Variants in VPS13B observed in about 807,000 individuals in gnomAD.
The protein encoded by VPS13B is vacuolar protein sorting 13 homolog B.
In VPS13B, 285 loss-of-function variants were observed where a neutral mutation model predicts 426.4. That is an observed-to-expected ratio of 0.67 (90% CI 0.61 to 0.74). The LOEUF is 0.74. Ranked by LOEUF, VPS13B falls within the 30% of genes least tolerant of loss-of-function variation. The probability of loss-of-function intolerance (pLI) is 0.00; values close to 1 mark genes in which losing one functional copy is unlikely to be tolerated. For synonymous variants in VPS13B, 1,676 were observed against 1,676.4 expected, an observed-to-expected ratio of 1.00 and a Z score of 0.01; for missense variants, 4,537 against 4,782.6, an observed-to-expected ratio of 0.95 and a Z score of 1.51.
chr8:99,059,328 G>A (rs978591200), intron 3 of VPS13B, among the ~76,000 whole-genome samples: 11 of 152,164 alleles, frequency 7.2e-5, no homozygotes, highest in Admixed American at 4.6e-4. Flanking sequence ...TGTAGTGATG[G>A]GGTTTTGCCC....
At chr8:99,263,022 G>A (rs1348607567) in intron 17 of VPS13B, among the ~76,000 whole-genome samples, 1 of 151,910 alleles carries the variant, frequency 6.6e-6, no homozygotes, top group African/African-American at 2.4e-5. Context: ...TGATCATCCT[G>A]CCTTGGCCCC....
chr8:99,402,928 A>G (rs1303065146), intron 21 of VPS13B, among the ~76,000 whole-genome samples: 1 of 152,244 alleles, frequency 6.6e-6, no homozygotes, highest in African/African-American at 2.4e-5. Context: ...GTATTCCCCA[A>G]ATTGATAGGT....
At chr8:99,729,153 G>A (rs191982923) in intron 39 of VPS13B, among the ~76,000 whole-genome samples, 24 of 152,174 alleles carry the variant, frequency 1.6e-4, no homozygotes, top group African/African-American at 5.5e-4. Flanking sequence ...TACCAACACG[G>A]CTGAATTTGG....
At chr8:99,603,199 A>C (rs904277530) in intron 33 of VPS13B, among the ~76,000 whole-genome samples, 2 of 152,214 alleles carry the variant, frequency 1.3e-5, no homozygotes, top group Non-Finnish European at 2.9e-5. Flanking sequence ...ATTAGGATGC[A>C]GGATATTTCT....
chr8:99,311,204 T>G (rs899055777), intron 19 of VPS13B, among the ~76,000 whole-genome samples: 4 of 152,206 alleles, frequency 2.6e-5, no homozygotes, highest in Non-Finnish European at 5.9e-5. Flanking sequence ...TTTCTTGCCT[T>G]CTGGTAGCTC....
At chr8:99,246,423 A>G (rs924830589) in intron 17 of VPS13B, among the ~76,000 whole-genome samples, 8 of 152,196 alleles carry the variant, frequency 5.3e-5, no homozygotes, top group African/African-American at 1.9e-4. Flanking sequence ...TTTGATTCGA[A>G]TGCAGTAACC....
chr8:99,462,362 A>G (rs919087602), intron 23 of VPS13B, among the ~76,000 whole-genome samples: 2 of 152,028 alleles, frequency 1.3e-5, no homozygotes, highest in African/African-American at 4.8e-5. Flanking sequence ...TTTATTCTTG[A>G]CATCATTGGT....
intron 19 of VPS13B, among the ~76,000 whole-genome samples, chr8:99,310,319 T>A (rs1352996330): frequency 6.6e-6 from 1 of 152,198 alleles, no homozygotes; most frequent in Admixed American, 6.5e-5. Flanking sequence ...GGCTGTGCAT[T>A]TGTCATAAAT....
intron 3 of VPS13B, among the ~76,000 whole-genome samples, chr8:99,052,377 A>T (rs1401517436): frequency 1.3e-5 from 1 of 74,428 alleles, no homozygotes; most frequent in Non-Finnish European, 2.8e-5. Flanking sequence ...CCCAGGGATG[A>T]AGCCAACTTC....
chr8:99,589,268 A>G (rs1826472465), intron 33 of VPS13B, among the ~76,000 whole-genome samples: 1 of 151,538 alleles, frequency 6.6e-6, no homozygotes, highest in South Asian at 2.1e-4. Context: ...GGTTTGTTAC[A>G]TGTGTATATA....
chr8:99,482,560 C>T (rs1191626304), intron 25 of VPS13B, among the ~76,000 whole-genome samples: 1 of 152,100 alleles, frequency 6.6e-6, no homozygotes, highest in Non-Finnish European at 1.5e-5. Context: ...TGCAAATAGA[C>T]TTGTACAGGT....
At chr8:99,760,480 A>G (rs2130588635) in intron 39 of VPS13B, among the ~76,000 whole-genome samples, 1 of 152,326 alleles carries the variant, frequency 6.6e-6, no homozygotes, top group South Asian at 2.1e-4. Context: ...TAGGTTGCCC[A>G]AGGTCATAGA....
At chr8:99,028,566 A>C (rs867217097) in intron 2 of VPS13B, among the ~76,000 whole-genome samples, 1 of 47,694 alleles carries the variant, frequency 2.1e-5, no homozygotes, top group Non-Finnish European at 4.0e-5. Flanking sequence ...CTGGCCGGGC[A>C]GGGGGCTGAC....
chr8:99,633,806 GGTGTGTGTGT>G (rs139474452), intron 33 of VPS13B, among the ~76,000 whole-genome samples: 4 of 143,956 alleles, frequency 2.8e-5, no homozygotes, highest in African/African-American at 1.0e-4. Flanking sequence ...GAATGTGTCA[GGTGTGTGTGT>G]GTGTGTGTGT....
chr8:99,156,566 G>C lies in VPS13B; in HGVS notation c.2031G>C (p.Met677Ile), dbSNP rs1428318657. Residue 677 changes from methionine (M) to isoleucine (I), a missense_variant, in exon 15 of 62, where the codon ATG becomes ATC. Met to Ile is a conservative substitution (Grantham distance 10). This residue lies in a region of VPS13B where 4,311 missense variants were observed against 4,474.3 expected (regional missense o/e 0.96). Transcript: ENST00000357162. ...TTTTCTAGAACTCAAGTAACTTCAT[G>C]AATACTACAAACTTCCAGTCTCTTC... ...IMGEKNSSNFMNTTNFQSLRP... is the reference protein window; with the variant it reads ...IMGEKNSSNFINTTNFQSLRP... 6.2e-7 allele frequency: 1 copy of C among 1,613,938 alleles called. No individual in the cohort carries two copies. The highest frequency in any genetic ancestry group is 8.5e-7 in the Non-Finnish European group (1 of 1,179,886).
chr8:99,721,753 G>A (rs765537164), intron 39 of VPS13B, among the ~76,000 whole-genome samples: 9 of 151,882 alleles, frequency 5.9e-5, no homozygotes, highest in Admixed American at 2.0e-4. Context: ...ACTTCCCTGC[G>A]TCAAAACCCA....
At chr8:99,748,631 A>G (rs190906759) in intron 39 of VPS13B, among the ~76,000 whole-genome samples, 67 of 152,214 alleles carry the variant, frequency 4.4e-4, no homozygotes, top group African/African-American at 1.5e-3. Context: ...GATCAATGTC[A>G]AAGACATTCA....
intron 44 of VPS13B, among the ~76,000 whole-genome samples, chr8:99,812,100 A>G (rs1813733265): frequency 6.6e-6 from 1 of 152,184 alleles, no homozygotes; most frequent in South Asian, 2.1e-4. Context: ...TACCTACCAA[A>G]TGTCATAAAA....
At chr8:99,776,070 T>C (rs969699955) in intron 40 of VPS13B, among the ~76,000 whole-genome samples, 5 of 152,138 alleles carry the variant, frequency 3.3e-5, no homozygotes, top group African/African-American at 1.2e-4. Flanking sequence ...ATAAAGAATA[T>C]TGACTGACTC....
Sources: gnomAD v4.1 joint callset for allele counts (sites outside exome capture counted in the v4.1 genomes callset) on GRCh38, gnomAD v4.1.1 for gene constraint, gnomAD v4.1.1 regional missense constraint, MANE v1.5 for transcripts, NCBI Gene and HGNC (gene_info 2026-07-23, HGNC 2026-07-21) for gene names.